The following CLMP variants were observed in gnomAD, a reference collection of about 807,000 sequenced individuals.
The protein encoded by CLMP is CXADR like cell adhesion molecule.
Under a neutral mutation model 45.2 loss-of-function variants are expected in CLMP, and 27 were observed. That is an observed-to-expected ratio of 0.60 (90% CI 0.44 to 0.82). The LOEUF is 0.82. CLMP is among the 40% of genes least tolerant of loss of function. The probability of loss-of-function intolerance (pLI) is 0.00; values close to 1 mark genes in which losing one functional copy is unlikely to be tolerated. For missense variants in CLMP, 403 were observed against 448.4 expected, an observed-to-expected ratio of 0.90 and a Z score of 0.91; for synonymous variants, 167 against 171.4, an observed-to-expected ratio of 0.97 and a Z score of 0.20.
intron 1 of CLMP, among the ~76,000 whole-genome samples, chr11:123,178,198 G>A (rs962218324): frequency 6.6e-6 from 1 of 152,094 alleles, no homozygotes; most frequent in Non-Finnish European, 1.5e-5. Flanking sequence ...ACTTAGAATT[G>A]GTGTCAAATG....
rs557321247 is a variant in CLMP, at chr11:123,100,398, C to T, written c.29-2446G>A. 2.3e-3 allele frequency among the ~76,000 whole-genome samples: 345 copies of T among 149,734 alleles called. 2 individuals are homozygous for T. Among genetic ancestry groups the T allele is most frequent in the African/African-American group, 8.4e-3 (339 of 40,560 alleles). ...TCCCTCTCAGAAAAAAAAAAAAAAA[C>T]CAAAGATTGTTTTCAAGCTTGCATG... On this transcript the variant is annotated intron_variant, in intron 1 of 6. Coordinates refer to ENST00000448775, the MANE Select transcript of CLMP (RefSeq NM_024769.5).
At chr11:123,132,504 G>T (rs1591471151) in intron 1 of CLMP, among the ~76,000 whole-genome samples, 1 of 152,076 alleles carries the variant, frequency 6.6e-6, no homozygotes, top group East Asian at 1.9e-4. Flanking sequence ...TGTTGCTCAG[G>T]CTGGAGTGCA....
At chr11:123,123,967 G>A (rs1356818328) in intron 1 of CLMP, among the ~76,000 whole-genome samples, 1 of 152,134 alleles carries the variant, frequency 6.6e-6, no homozygotes, top group African/African-American at 2.4e-5. Flanking sequence ...CTGGATGATT[G>A]GGTGGGAATG....
rs1328789203 is a variant in CLMP, at chr11:123,073,746, G to C, written c.850C>G (p.Leu284Val). ...GAGGAAGAGGAGCTGGGTTTCACAA[G>C]ACGGGCTTTTGGAGCTTCAGCATCT... is the stretch of plus-strand genomic sequence containing the variant. ...REDAEAPKAR[L>V]VKPSSSSSGS... Residue 284 changes from leucine (L) to valine (V), a missense_variant, in exon 7 of 7, where the codon CTT (leucine) becomes GTT (valine). Transcript: ENST00000448775. 1 of 1,605,648 alleles carries C rather than the reference G, an allele frequency of 6.2e-7. No individual in the cohort carries two copies.
intron 1 of CLMP, among the ~76,000 whole-genome samples, chr11:123,149,670 T>C (rs1861284853): frequency 6.6e-6 from 1 of 152,196 alleles, no homozygotes; most frequent in Admixed American, 6.5e-5. Flanking sequence ...GTGCTGTAAC[T>C]GGCTAGGCCT....
chr11:123,075,087 C>G (rs1450453045), intron 5 of CLMP, among the ~76,000 whole-genome samples: 3 of 151,846 alleles, frequency 2.0e-5, no homozygotes, highest in Non-Finnish European at 4.4e-5. Context: ...TCTTGAGTAG[C>G]TGGGATCACA....
At chr11:123,186,407 C>G (rs1015604543) in intron 1 of CLMP, among the ~76,000 whole-genome samples, 1 of 152,134 alleles carries the variant, frequency 6.6e-6, no homozygotes, top group Non-Finnish European at 1.5e-5. Flanking sequence ...GAAAAGAAGA[C>G]TCACAGCTGT....
rs113482011 is a variant in CLMP, at chr11:123,074,173, CTTTTTTTTTT to C, written c.822-409_822-400del. ...TTTTATGTATATACATATGTACATA[CTTTTTTTTTT>C]TTTTTTTTTGAGACATGCTCTTTCT... On this transcript the variant is annotated intron_variant, in intron 6 of 6. Coordinates refer to ENST00000448775, the MANE Select transcript of CLMP (RefSeq NM_024769.5). Among the ~76,000 whole-genome samples, 7 of 130,664 alleles carry C rather than the reference CTTTTTTTTTT, an allele frequency of 5.4e-5. No individual in the cohort carries two copies. The South Asian group carries it at 1.2e-3, about 23-fold the overall frequency. The allele number at this position is 130,664 out of a possible 152,430, so 85.7% of individuals were successfully genotyped here. A position where few individuals can be genotyped will look rare whatever the true frequency, so the allele number is the denominator to read the frequency against.
intron 1 of CLMP, among the ~76,000 whole-genome samples, chr11:123,168,354 C>T (rs187378382): frequency 3.9e-5 from 6 of 152,336 alleles, no homozygotes; most frequent in East Asian, 1.9e-4. Context: ...GCAGCTGCCC[C>T]CCCTGGTTCT....
At chr11:123,147,701 T>G (rs1395012300) in intron 1 of CLMP, among the ~76,000 whole-genome samples, 2 of 152,216 alleles carry the variant, frequency 1.3e-5, no homozygotes, top group East Asian at 3.8e-4. Context: ...TGTCCTTGAC[T>G]GCATCTTCAG....
At chr11:123,119,212 T>C (rs1321373950) in intron 1 of CLMP, among the ~76,000 whole-genome samples, 1 of 151,512 alleles carries the variant, frequency 6.6e-6, no homozygotes, top group Non-Finnish European at 1.5e-5. Context: ...GCCTCCCGAG[T>C]AGCTGGAATT....
chr11:123,121,017 A>G (rs1196015021), intron 1 of CLMP, among the ~76,000 whole-genome samples: 1 of 151,192 alleles, frequency 6.6e-6, no homozygotes, highest in Non-Finnish European at 1.5e-5. Context: ...AGTCCCAGCT[A>G]CTTGGGAGGC....
intron 1 of CLMP, among the ~76,000 whole-genome samples, chr11:123,176,047 T>C (rs1366681774): frequency 6.6e-6 from 1 of 152,220 alleles, no homozygotes; most frequent in Non-Finnish European, 1.5e-5. Context: ...TCTGCATGTG[T>C]ATAAAATAAG....
chr11:123,119,695 T>G (rs1433815317), intron 1 of CLMP, among the ~76,000 whole-genome samples: 1 of 85,172 alleles, frequency 1.2e-5, no homozygotes, highest in Non-Finnish European at 2.5e-5. Flanking sequence ...TATTTTGTTG[T>G]TTTTTTTTTG....
intron 1 of CLMP, among the ~76,000 whole-genome samples, chr11:123,135,196 G>A (rs1379889322): frequency 6.7e-6 from 1 of 148,228 alleles, no homozygotes; most frequent in African/African-American, 2.5e-5. Flanking sequence ...GGAGACAGAG[G>A]TTGCAGTGAG....
chr11:123,085,676 C>T (rs1394673198), intron 2 of CLMP, among the ~76,000 whole-genome samples: 2 of 149,706 alleles, frequency 1.3e-5, no homozygotes, highest in Admixed American at 6.7e-5. Context: ...AAAGGACAGA[C>T]AGAACTCACA....
chr11:123,187,426 T>C (rs1010428274), intron 1 of CLMP, among the ~76,000 whole-genome samples: 1 of 152,240 alleles, frequency 6.6e-6, no homozygotes, highest in Admixed American at 6.5e-5. Context: ...CAAGCCTATA[T>C]TTAAACAATG....
intron 1 of CLMP, among the ~76,000 whole-genome samples, chr11:123,162,716 C>T (rs1239202436): frequency 6.6e-6 from 1 of 150,772 alleles, no homozygotes; most frequent in African/African-American, 2.4e-5. Flanking sequence ...GGCAACATGA[C>T]GAAACATTGT....
At position 123,083,968 on chromosome 11, in the gene CLMP, AGT is replaced by A; in HGVS notation, c.389-123_389-122del. 4 of 1,129,470 alleles carry A rather than the reference AGT, an allele frequency of 3.5e-6. No individual in the cohort carries two copies. In the South Asian group the frequency reaches 6.1e-5, roughly 17 times the overall value. The allele number at this position is 1,129,470 out of a possible 1,614,324, so 70.0% of individuals were successfully genotyped here. On this transcript the variant is annotated intron_variant, in intron 3 of 6. Transcript: ENST00000448775. The stretch of plus-strand genomic sequence containing the variant: ...AGCCATCTGTTTTGGTCAACTTTTG[AGT>A]GGGGATTCAACTAGCCTTGCTTTAC...
Sources: allele counts gnomAD v4.1 joint callset (sites outside exome capture counted in the v4.1 genomes callset), GRCh38; gene constraint gnomAD v4.1.1; transcripts MANE v1.5; gene names NCBI Gene and HGNC (gene_info 2026-07-23, HGNC 2026-07-21).